GAREM1: variants seen among roughly 807,000 people sequenced by gnomAD.
GAREM1 encodes the protein GRB2-associated and regulator of MAPK protein 1.
In GAREM1, 26 loss-of-function variants were observed where a neutral mutation model predicts 71.3. That is an observed-to-expected ratio of 0.36 (90% CI 0.27 to 0.51). GAREM1 has a LOEUF of 0.51. Ranked by LOEUF, GAREM1 falls within the 20% of genes least tolerant of loss-of-function variation. The probability of loss-of-function intolerance (pLI) is 0.95; values close to 1 mark genes in which losing one functional copy is unlikely to be tolerated. For synonymous variants in GAREM1, 440 were observed against 433.2 expected, an observed-to-expected ratio of 1.02 and a Z score of -0.20; for missense variants, 1,026 against 1,103.1, an observed-to-expected ratio of 0.93 and a Z score of 0.99.
intron 2 of GAREM1, among the ~76,000 whole-genome samples, chr18:32,324,122 A>AC (rs2047453868): frequency 6.6e-6 from 1 of 152,176 alleles, no homozygotes; most frequent in South Asian, 2.1e-4. Context: ...CTACGCTGCC[A>AC]CCGTACAACT....
intron 1 of GAREM1, among the ~76,000 whole-genome samples, chr18:32,447,888 A>C (rs2048799470): frequency 6.6e-6 from 1 of 152,124 alleles, no homozygotes; most frequent in Non-Finnish European, 1.5e-5. Context: ...ATGTTGTTGA[A>C]ATTCTTTGTT....
intron 1 of GAREM1, among the ~76,000 whole-genome samples, chr18:32,448,138 A>C (rs1016254009): frequency 6.6e-6 from 1 of 152,160 alleles, no homozygotes; most frequent in African/African-American, 2.4e-5. Flanking sequence ...ATCATTTATC[A>C]AAGTACTATT....
In GAREM1 at chr18:32,447,373, C is replaced by T. The variant is rs531161240; in HGVS notation, c.121+22935G>A. On this transcript the variant is annotated intron_variant, in intron 1 of 5. Coordinates refer to ENST00000269209, the MANE Select transcript of GAREM1 (RefSeq NM_001242409.2). Reference sequence around the variant, plus strand: ...TTCTCTACTTTTGAATTTTTACTTTCGCATATTTAAAAGCTTATTAACAAA... The same window carrying T: ...TTCTCTACTTTTGAATTTTTACTTTTGCATATTTAAAAGCTTATTAACAAA... Among the ~76,000 whole-genome samples, 5 of 152,216 alleles carry T rather than the reference C, an allele frequency of 3.3e-5. No homozygotes were observed. The East Asian group carries it at 5.8e-4, about 18-fold the overall frequency.
intron 2 of GAREM1, among the ~76,000 whole-genome samples, chr18:32,364,028 G>GT (rs1157200391): frequency 0.014 from 295 of 21,680 alleles, 15 homozygotes; most frequent in East Asian, 0.017. Flanking sequence ...ATATATATAT[G>GT]TTTTTTTTTT....
At chr18:32,268,921 A>C (rs972695608) in intron 5 of GAREM1, among the ~76,000 whole-genome samples, 153 bp from the exon 6 acceptor site, 2 of 152,132 alleles carry the variant, frequency 1.3e-5, no homozygotes, top group Non-Finnish European at 2.9e-5. Flanking sequence ...TTTTTTTTTA[A>C]AGAATCTTTA....
At position 32,287,364 on chromosome 18, in the gene GAREM1, T is replaced by C; in HGVS notation, c.1233A>G (p.Gly411=). 1 of 1,613,980 alleles carries C rather than the reference T, an allele frequency of 6.2e-7. No homozygotes were observed. ...VNLHGCRDLG[G]DWAPFPHDIL... ...TGTCATGAGGAAAGGGAGCCCAATC[T>C]CCCCCCAGGTCCCTGCAACCATGAA... The change falls in exon 4 of 6, where the codon GGA becomes GGG. Residue 411 remains glycine, a synonymous_variant. Coordinates refer to ENST00000269209, the MANE Select transcript of GAREM1 (RefSeq NM_001242409.2). The surrounding 1 kb of genome is among the most constrained non-coding windows in gnomAD (Gnocchi z 5.9).
At chr18:32,315,129 C>G (rs940932589) in intron 2 of GAREM1, among the ~76,000 whole-genome samples, 1 of 151,948 alleles carries the variant, frequency 6.6e-6, no homozygotes, top group Non-Finnish European at 1.5e-5. Context: ...TAAGAGGTTA[C>G]CTGAAAGCGT....
intron 4 of GAREM1, among the ~76,000 whole-genome samples, chr18:32,276,289 G>A (rs1176635081): frequency 1.3e-5 from 2 of 152,170 alleles, no homozygotes; most frequent in South Asian, 2.1e-4. Context: ...CACAAGCATC[G>A]ACTTCCACCA....
chr18:32,338,237 C>T (rs1029069404), intron 2 of GAREM1, among the ~76,000 whole-genome samples: 4 of 152,140 alleles, frequency 2.6e-5, no homozygotes, highest in Non-Finnish European at 4.4e-5. Context: ...TTTCCCCTAC[C>T]GTGAATTCAA....
At position 32,303,403 on chromosome 18, in the gene GAREM1, T is replaced by A. The variant is rs111539814; in HGVS notation, c.393+6790A>T. ...CTTAAATTAAAACTTAATTTGTTAG[T>A]CATTATTTTGATGGCAGGAAATGCA... On this transcript the variant is annotated intron_variant, in intron 3 of 5. Transcript: ENST00000269209. Among the ~76,000 whole-genome samples the A allele has an allele frequency of 2.9e-3, 441 of 152,318 alleles. 5 individuals are homozygous for A. The highest frequency in any genetic ancestry group is 0.01 in the African/African-American group (420 of 41,566).
At chr18:32,303,391 T>G (rs2047218790) in intron 3 of GAREM1, among the ~76,000 whole-genome samples, 1 of 152,198 alleles carries the variant, frequency 6.6e-6, no homozygotes. Flanking sequence ...AAATTAAAAC[T>G]TAATTTGTTA....
At position 32,418,874 on chromosome 18, in the gene GAREM1, G is replaced by C. The variant is rs138331487; in HGVS notation, c.122-25839C>G. 2.6e-3 allele frequency among the ~76,000 whole-genome samples: 403 copies of C among 152,318 alleles called. 2 individuals are homozygous for C. Among genetic ancestry groups the C allele is most frequent in the Middle Eastern group, 0.017 (5 of 294 alleles). ...ACAGAAATGAAGAGAAGGATAACGT[G>C]TTAGTTTTGTAATGCTGTGTAACAA... On this transcript the variant is annotated intron_variant, in intron 1 of 5. Transcript: ENST00000269209.
chr18:32,462,815 A>G (rs1260771286), intron 1 of GAREM1, among the ~76,000 whole-genome samples: 1 of 152,178 alleles, frequency 6.6e-6, no homozygotes, highest in Non-Finnish European at 1.5e-5. Flanking sequence ...GAGTTCAGTA[A>G]TAGATGATAG....
chr18:32,397,419 A>G (rs1321278441), intron 1 of GAREM1, among the ~76,000 whole-genome samples: 1 of 152,222 alleles, frequency 6.6e-6, no homozygotes, highest in East Asian at 1.9e-4. Flanking sequence ...TCTCACATGC[A>G]GAGACACACA....
At chr18:32,386,325 C>T (rs1209127006) in intron 2 of GAREM1, among the ~76,000 whole-genome samples, 1 of 152,086 alleles carries the variant, frequency 6.6e-6, no homozygotes, top group African/African-American at 2.4e-5. Context: ...ATAATTTTGC[C>T]CAAGAGACAA....
intron 2 of GAREM1, among the ~76,000 whole-genome samples, chr18:32,364,013 TATATATATA>T (rs1567980670): frequency 1.3e-4 from 9 of 67,890 alleles, no homozygotes; most frequent in African/African-American, 5.0e-4. Flanking sequence ...TATATATATA[TATATATATA>T]TATATGTTTT....
chr18:32,305,266 C>G (rs1598946406), intron 3 of GAREM1, among the ~76,000 whole-genome samples: 1 of 152,088 alleles, frequency 6.6e-6, no homozygotes, highest in East Asian at 1.9e-4. Context: ...CTTTTATTTT[C>G]TGTACTCTCT....
intron 3 of GAREM1, among the ~76,000 whole-genome samples, chr18:32,292,970 A>G (rs2047101505): frequency 6.6e-6 from 1 of 152,174 alleles, no homozygotes; most frequent in Non-Finnish European, 1.5e-5. Flanking sequence ...GGCTAAATAT[A>G]TTGATGTCTT....
At chr18:32,291,981 A>G (rs2047092769) in intron 3 of GAREM1, among the ~76,000 whole-genome samples, 1 of 152,204 alleles carries the variant, frequency 6.6e-6, no homozygotes, top group South Asian at 2.1e-4. Context: ...TAGCAGAATG[A>G]TTTATAATCC....
Sources: allele counts gnomAD v4.1 joint callset (sites outside exome capture counted in the v4.1 genomes callset), GRCh38; gene constraint gnomAD v4.1.1; non-coding constraint Gnocchi (gnomAD v3.1); transcripts MANE v1.5; gene names NCBI Gene and HGNC (gene_info 2026-07-23, HGNC 2026-07-21).